The following MTMR7 variants were observed in gnomAD, a reference collection of about 807,000 sequenced individuals.
MTMR7 encodes myotubularin related protein 7.
MTMR7 carries 76 observed loss-of-function variants against 81.2 expected under a neutral mutation model. The ratio of observed to expected loss-of-function variants is 0.94; its 90% CI spans 0.78 to 1.13. The LOEUF (loss-of-function observed/expected upper bound fraction) is 1.13, where lower values mean the gene tolerates loss of function less well. MTMR7 is among the 50% of genes most tolerant of loss of function. The pLI, the probability that MTMR7 is intolerant of heterozygous loss-of-function variation, is 0.00. For missense variants in MTMR7, 1,044 were observed against 820.0 expected (o/e 1.27, Z -3.34); for synonymous variants, 372 against 289.8 (o/e 1.28, Z -2.88).
chr8:17,381,302 G>T (rs555800217), intron 1 of MTMR7, among the ~76,000 whole-genome samples: 1 of 152,178 alleles, frequency 6.6e-6, no homozygotes, highest in East Asian at 1.9e-4. Context: ...GTCTGAGGAG[G>T]CCACACTGGC....
At chr8:17,366,657 C>A (rs1342127039) in intron 3 of MTMR7, among the ~76,000 whole-genome samples, 2 of 151,938 alleles carry the variant, frequency 1.3e-5, no homozygotes, top group Non-Finnish European at 2.9e-5. Context: ...GAGGCCGAGG[C>A]GGGCGGATCA....
At chr8:17,385,269 C>T (rs1273571448) in intron 1 of MTMR7, among the ~76,000 whole-genome samples, 1 of 151,952 alleles carries the variant, frequency 6.6e-6, no homozygotes, top group Non-Finnish European at 1.5e-5. Flanking sequence ...AATGGCTCGG[C>T]ACCATCCCTC....
intron 1 of MTMR7, among the ~76,000 whole-genome samples, chr8:17,378,221 A>G (rs1178211897): frequency 2.0e-5 from 3 of 152,186 alleles, no homozygotes; most frequent in African/African-American, 7.2e-5. Flanking sequence ...TTGAAGATAC[A>G]GAGAGGGAAA....
At chr8:17,339,793 C>G (rs886924280) in intron 6 of MTMR7, among the ~76,000 whole-genome samples, 2 of 152,152 alleles carry the variant, frequency 1.3e-5, no homozygotes, top group African/African-American at 4.8e-5. Context: ...TATGGTAACT[C>G]TATTTTTAAC....
chr8:17,402,725 G>A (rs1001208748), intron 1 of MTMR7, among the ~76,000 whole-genome samples: 1 of 152,162 alleles, frequency 6.6e-6, no homozygotes, highest in Non-Finnish European at 1.5e-5. Context: ...ATAAGCATGG[G>A]AGCACAGGTA....
At chr8:17,361,096 G>A (rs759550642) in intron 4 of MTMR7, 21 bp downstream of exon 4, 21 of 1,613,536 alleles carry the variant, frequency 1.3e-5, no homozygotes, top group Non-Finnish European at 1.5e-5. Context: ...CGGCTTCAGT[G>A]TTTGGGTTTC....
intron 6 of MTMR7, among the ~76,000 whole-genome samples, chr8:17,337,821 G>A (rs1039318121): frequency 4.6e-5 from 7 of 152,194 alleles, no homozygotes; most frequent in Middle Eastern, 3.4e-3. Flanking sequence ...GTCTCACTAC[G>A]TTGCCCAGGC....
chr8:17,304,233 C>G (rs548438230), intron 12 of MTMR7, 146 bp downstream of exon 12: 1 of 806,380 alleles, frequency 1.2e-6, no homozygotes, highest in South Asian at 3.8e-5. Flanking sequence ...AATACCAGAT[C>G]AGATATTCAA....
chr8:17,377,882 A>T (rs34145287), intron 1 of MTMR7, among the ~76,000 whole-genome samples: 1 of 152,110 alleles, frequency 6.6e-6, no homozygotes, highest in Non-Finnish European at 1.5e-5. Flanking sequence ...AACTACGATA[A>T]AGATATTATG....
At chr8:17,338,310 C>T (rs544683727) in intron 6 of MTMR7, among the ~76,000 whole-genome samples, 46 of 152,258 alleles carry the variant, frequency 3.0e-4, no homozygotes, top group African/African-American at 1.1e-3. Flanking sequence ...TGGAATATGC[C>T]TGGCTCTACA....
In MTMR7 at chr8:17,298,447, A is replaced by G. The variant is rs1267302297; in HGVS notation, c.*1415T>C. The G allele has an allele frequency of 6.6e-6, 1 of 152,398 alleles. No individual in the cohort carries two copies. Among genetic ancestry groups the G allele is most frequent in the Non-Finnish European group, 1.5e-5 (1 of 67,968 alleles). The allele number at this position is 152,398 out of a possible 1,614,324, so 9.4% of individuals were successfully genotyped here. On this transcript the variant is annotated 3_prime_UTR_variant, in exon 14 of 14. Transcript: ENST00000180173. ...CAATTAAATGTTTTCATTTATATAT[A>G]TTGCAACACTCCCTCCAAATCTTTC...
chr8:17,332,482 A>C (rs908770532), intron 6 of MTMR7, among the ~76,000 whole-genome samples: 1 of 152,196 alleles, frequency 6.6e-6, no homozygotes, highest in Non-Finnish European at 1.5e-5. Context: ...GTGACCAAGA[A>C]GGAGGGCACA....
intron 1 of MTMR7, among the ~76,000 whole-genome samples, chr8:17,383,688 T>G (rs991281202): frequency 3.3e-5 from 5 of 152,180 alleles, no homozygotes; most frequent in Non-Finnish European, 7.3e-5. Context: ...GCTAAAAGAT[T>G]TGGTATCTGG....
intron 2 of MTMR7, among the ~76,000 whole-genome samples, chr8:17,372,490 A>T (rs1361577665): frequency 1.3e-5 from 2 of 152,164 alleles, no homozygotes; most frequent in Non-Finnish European, 2.9e-5. Context: ...CAGGAGGCTG[A>T]GGCAGGAGAA....
chr8:17,349,025 G>A lies in MTMR7; in HGVS notation c.525C>T (p.Ile175=). 6.2e-7 allele frequency: 1 copy of A among 1,613,028 alleles called. No individual in the cohort carries two copies. The highest frequency in any genetic ancestry group is 8.5e-7 in the Non-Finnish European group (1 of 1,179,856). Residue 175 remains isoleucine, a synonymous_variant, in exon 5 of 14, where the codon ATC becomes ATT. Coordinates refer to ENST00000180173, the MANE Select transcript of MTMR7 (RefSeq NM_004686.5). ...LYVPKSATAH[I]IVGSSKFRSR... ...TCCGGAATTTGGAACTCCCCACTAT[G>A]ATGTGTGCCGTGGCCGATTTGGGAA... is the stretch of plus-strand genomic sequence containing the variant.
chr8:17,391,546 G>A (rs1821109097), intron 1 of MTMR7, among the ~76,000 whole-genome samples: 1 of 152,134 alleles, frequency 6.6e-6, no homozygotes, highest in Admixed American at 6.6e-5. Flanking sequence ...ACAAGTGAAA[G>A]GATATATGCA....
intron 3 of MTMR7, among the ~76,000 whole-genome samples, chr8:17,362,495 C>T (rs1183941448): frequency 2.0e-5 from 3 of 152,122 alleles, no homozygotes; most frequent in Admixed American, 6.6e-5. Flanking sequence ...CTCATTTTAC[C>T]GACGAGAAAT....
intron 13 of MTMR7, chr8:17,301,904 T>G: frequency 2.3e-6 from 1 of 442,144 alleles, no homozygotes; most frequent in Admixed American, 4.1e-5. Context: ...CCAAACAAGT[T>G]GACCTAAAAT....
intron 3 of MTMR7, among the ~76,000 whole-genome samples, chr8:17,367,364 AAGAGAGG>A (rs1585096015): frequency 6.6e-6 from 1 of 152,160 alleles, no homozygotes; most frequent in Non-Finnish European, 1.5e-5. Flanking sequence ...AATTGGAGGG[AAGAGAGG>A]AGAGAGGACA....
Sources: allele counts gnomAD v4.1 joint callset (sites outside exome capture counted in the v4.1 genomes callset), GRCh38; gene constraint gnomAD v4.1.1; transcripts MANE v1.5; gene names NCBI Gene and HGNC (gene_info 2026-07-23, HGNC 2026-07-21).